MAL2: variants seen among roughly 807,000 people sequenced by gnomAD.
MAL2 encodes protein MAL2.
In MAL2, 17 loss-of-function variants were observed where a neutral mutation model predicts 18.1. That is an observed-to-expected ratio of 0.94 (90% CI 0.64 to 1.41). MAL2 has a LOEUF of 1.41. Ranked by LOEUF, MAL2 falls within the 40% of genes most tolerant of loss-of-function variation. The probability of loss-of-function intolerance (pLI) is 0.00; values close to 1 mark genes in which losing one functional copy is unlikely to be tolerated. For missense variants in MAL2, 222 were observed against 231.9 expected (o/e 0.96, Z 0.28); for synonymous variants, 102 against 102.3 (o/e 1.00, Z 0.02).
At chr8:119,211,328 C>T (rs1196248177) in intron 1 of MAL2, among the ~76,000 whole-genome samples, 1 of 152,200 alleles carries the variant, frequency 6.6e-6, no homozygotes, top group Non-Finnish European at 1.5e-5. Flanking sequence ...TATCCTCAAA[C>T]TCCATTTTAA....
intron 2 of MAL2, among the ~76,000 whole-genome samples, chr8:119,238,283 A>T (rs538900332): frequency 4.0e-4 from 61 of 152,304 alleles, no homozygotes; most frequent in Non-Finnish European, 6.5e-4. Context: ...GAAATGAAAC[A>T]AAGAAATGGA....
chr8:119,220,719 C>A (rs1161578239), intron 1 of MAL2, among the ~76,000 whole-genome samples: 1 of 152,204 alleles, frequency 6.6e-6, no homozygotes, highest in Non-Finnish European at 1.5e-5. Context: ...CCCTTTCCTC[C>A]CTCTGCTTTA....
intron 1 of MAL2, among the ~76,000 whole-genome samples, chr8:119,217,768 T>A (rs993887908): frequency 1.3e-5 from 2 of 152,186 alleles, no homozygotes; most frequent in Admixed American, 1.3e-4. Flanking sequence ...TTTTGTGTTC[T>A]GCTTTTTACT....
chr8:119,227,913 T>TTTCC (rs1416691268), intron 2 of MAL2, among the ~76,000 whole-genome samples: 1 of 152,286 alleles, frequency 6.6e-6, no homozygotes, highest in African/African-American at 2.4e-5. Flanking sequence ...GTCTCAGTGG[T>TTTCC]TTCCTGTTGG....
At chr8:119,212,947 G>A (rs79481663) in intron 1 of MAL2, among the ~76,000 whole-genome samples, 11,962 of 152,208 alleles carry the variant, frequency 0.079, 1,375 homozygotes, top group African/African-American at 0.25. Context: ...ACTTGATCCA[G>A]CTTGTGTCTT....
chr8:119,224,450 A>G (rs984714620), intron 2 of MAL2: 1 of 152,248 alleles, frequency 6.6e-6, no homozygotes, highest in African/African-American at 2.4e-5. Context: ...CTATGCAATT[A>G]AACATGTTTC....
At chr8:119,243,284 G>T in intron 3 of MAL2, 133 bp from the exon 4 acceptor site, 27 of 510,592 alleles carry the variant, frequency 5.3e-5, no homozygotes, top group Non-Finnish European at 8.2e-5. Context: ...AAAAAACAAT[G>T]TAAAATATTT....
At chr8:119,240,466 C>A in intron 3 of MAL2, 146 bp downstream of exon 3, 2 of 847,906 alleles carry the variant, frequency 2.4e-6, no homozygotes, top group South Asian at 2.0e-5. Context: ...TGTACAATAA[C>A]CTTGTAAGCA....
In MAL2 at chr8:119,240,339, T is replaced by C; in HGVS notation, c.459+19T>C. The C allele has an allele frequency of 6.2e-7, 1 of 1,610,336 alleles. No homozygotes were observed. Among genetic ancestry groups the C allele is most frequent in the South Asian group, 1.1e-5 (1 of 90,648 alleles). On this transcript the variant is annotated intron_variant, in intron 3 of 3. Coordinates refer to ENST00000614891, the MANE Select transcript of MAL2 (RefSeq NM_052886.3). ...AGCCTCAGTAAGTATTCATATTCAA[T>C]GAGTACCATTCACCAGCACTTCCGC... is the stretch of plus-strand genomic sequence containing the variant.
chr8:119,219,541 G>A (rs1165238295), intron 1 of MAL2, among the ~76,000 whole-genome samples: 1 of 150,890 alleles, frequency 6.6e-6, no homozygotes, highest in Non-Finnish European at 1.5e-5. Flanking sequence ...GTGTGTGTGT[G>A]TGTGTGTGTG....
intron 2 of MAL2, among the ~76,000 whole-genome samples, chr8:119,225,990 G>C (rs533743164): frequency 5.7e-4 from 87 of 152,064 alleles, no homozygotes; most frequent in Admixed American, 3.2e-3. Context: ...GAATTTGTTT[G>C]AGTTCATTGT....
At chr8:119,215,565 G>T (rs75638512) in intron 1 of MAL2, 1 of 152,348 alleles carries the variant, frequency 6.6e-6, no homozygotes, top group East Asian at 1.9e-4. Flanking sequence ...AATTGCTGTG[G>T]AGAATACACG....
chr8:119,240,419 C>A, intron 3 of MAL2, 99 bp downstream of exon 3: 1 of 1,255,360 alleles, frequency 8.0e-7, no homozygotes, highest in Non-Finnish European at 1.1e-6. Flanking sequence ...TTCTTCAATG[C>A]TAGCCATTGG....
In MAL2 at chr8:119,225,033, G is replaced by A. The variant is rs529345435; in HGVS notation, c.303+3276G>A. On this transcript the variant is annotated intron_variant, in intron 2 of 3. Transcript: ENST00000614891. The stretch of plus-strand genomic sequence containing the variant: ...TTTTCTTGCTGCTGTTAATGTAAAC[G>A]AGGATCCCCCTATAGACGATGCAGC... Among the ~76,000 whole-genome samples the A allele has an allele frequency of 2.4e-4, 36 of 152,082 alleles. 1 individual carries two copies. Among genetic ancestry groups the A allele is most frequent in the Admixed American group, 2.0e-3 (30 of 15,276 alleles).
chr8:119,212,992 C>A (rs765783809), intron 1 of MAL2, among the ~76,000 whole-genome samples: 18 of 152,086 alleles, frequency 1.2e-4, no homozygotes, highest in Admixed American at 1.2e-3. Flanking sequence ...GGTTGTAAAA[C>A]AAAGGGACTG....
chr8:119,240,241 A>C lies in MAL2; in HGVS notation c.380A>C (p.His127Pro), dbSNP rs766008189. 1.1e-5 allele frequency: 18 copies of C among 1,613,810 alleles called. No individual in the cohort carries two copies. Among genetic ancestry groups the C allele is most frequent in the Admixed American group, 1.7e-5 (1 of 59,924 alleles). ...TTGGAAGCAGCAGCCACATCCCTGCATGATTTGCATTGCAATACAACCATA... is the reference window on the plus strand; with the variant it reads ...TTGGAAGCAGCAGCCACATCCCTGCCTGATTTGCATTGCAATACAACCATA... ...FLLEAAATSL[H>P]DLHCNTTITG... The change falls in exon 3 of 4, where the codon CAT becomes CCT. Residue 127 changes from histidine (H) to proline (P), a missense_variant. His to Pro is a moderately conservative substitution (Grantham distance 77). Coordinates refer to ENST00000614891, the MANE Select transcript of MAL2 (RefSeq NM_052886.3).
At chr8:119,230,002 G>T (rs138442472) in intron 2 of MAL2, among the ~76,000 whole-genome samples, 4 of 152,296 alleles carry the variant, frequency 2.6e-5, no homozygotes, top group East Asian at 1.9e-4. Context: ...GGAGACAGCT[G>T]CTGACCCACC....
chr8:119,235,623 A>G (rs1817870646), intron 2 of MAL2, among the ~76,000 whole-genome samples: 1 of 151,962 alleles, frequency 6.6e-6, no homozygotes, highest in Non-Finnish European at 1.5e-5. Flanking sequence ...TACAAGCCAG[A>G]AGAGAGTGGG....
chr8:119,218,290 A>G (rs1563769595), intron 1 of MAL2, among the ~76,000 whole-genome samples: 1 of 151,776 alleles, frequency 6.6e-6, no homozygotes, highest in African/African-American at 2.4e-5. Flanking sequence ...GGTGAATCTG[A>G]CTCCTGTTCA....
Sources: gnomAD v4.1 joint callset for allele counts (sites outside exome capture counted in the v4.1 genomes callset) on GRCh38, gnomAD v4.1.1 for gene constraint, MANE v1.5 for transcripts, NCBI Gene and HGNC (gene_info 2026-07-23, HGNC 2026-07-21) for gene names.